Variants in GLCE observed in about 807,000 individuals in gnomAD.
The protein encoded by GLCE is D-glucuronyl C5-epimerase.
GLCE carries 19 observed loss-of-function variants against 47.9 expected under a neutral mutation model. The observed-to-expected ratio is 0.40, with a 90% confidence interval of 0.28 to 0.58. The LOEUF (loss-of-function observed/expected upper bound fraction) is 0.58, where lower values mean the gene tolerates loss of function less well. Ranked by LOEUF, GLCE falls within the 20% of genes least tolerant of loss-of-function variation. GLCE has a pLI of 0.48. For missense variants in GLCE, 556 were observed against 743.3 expected, an observed-to-expected ratio of 0.75 and a Z score of 2.93; for synonymous variants, 245 against 263.4, an observed-to-expected ratio of 0.93 and a Z score of 0.68.
intron 2 of GLCE, among the ~76,000 whole-genome samples, chr15:69,215,793 A>G (rs1346556424): frequency 6.6e-6 from 1 of 152,096 alleles, no homozygotes; most frequent in Non-Finnish European, 1.5e-5. Flanking sequence ...TATCTGTTCT[A>G]ATGTATGTGT....
At chr15:69,166,180 G>T (rs557924372) in intron 1 of GLCE, among the ~76,000 whole-genome samples, 2 of 152,026 alleles carry the variant, frequency 1.3e-5, no homozygotes, top group African/African-American at 4.8e-5. Context: ...TTTTATATAG[G>T]CTTTAATAAT....
At chr15:69,249,287 A>T (rs1441315125) in intron 2 of GLCE, among the ~76,000 whole-genome samples, 4 of 152,082 alleles carry the variant, frequency 2.6e-5, no homozygotes, top group African/African-American at 9.7e-5. Context: ...TTTTCTTAAC[A>T]CCTTAAAAGG....
At position 69,270,927 on chromosome 15, in the gene GLCE, G is replaced by A. The variant is rs1193713477; in HGVS notation, c.*1683G>A. 6.6e-6 allele frequency: 1 copy of A among 152,178 alleles called. No individual in the cohort carries two copies. Among genetic ancestry groups the A allele is most frequent in the Non-Finnish European group, 1.5e-5 (1 of 68,036 alleles). The allele number at this position is 152,178 out of a possible 1,614,324, so 9.4% of individuals were successfully genotyped here. ...CCTTTGCATTTCATATATGTTAGAT[G>A]TCTCAGCAAGAATATCTGGTCTCCC... On this transcript the variant is annotated 3_prime_UTR_variant, in exon 5 of 5. Coordinates refer to ENST00000261858, the MANE Select transcript of GLCE (RefSeq NM_015554.3).
intron 1 of GLCE, among the ~76,000 whole-genome samples, chr15:69,191,053 A>C (rs545597305): frequency 8.5e-5 from 13 of 152,290 alleles, no homozygotes; most frequent in Admixed American, 3.3e-4. Context: ...ACCCCACAGT[A>C]GATTGTAATT....
intron 1 of GLCE, among the ~76,000 whole-genome samples, chr15:69,189,792 G>T (rs1379803714): frequency 6.6e-6 from 1 of 152,004 alleles, no homozygotes; most frequent in African/African-American, 2.4e-5. Context: ...TACTGCTTAG[G>T]ATTAGCTTGC....
At chr15:69,185,359 A>G (rs2051806837) in intron 1 of GLCE, among the ~76,000 whole-genome samples, 1 of 152,188 alleles carries the variant, frequency 6.6e-6, no homozygotes, top group African/African-American at 2.4e-5. Flanking sequence ...CCAGTAATTG[A>G]CTTAGCTATC....
chr15:69,213,993 C>T (rs1019013695), intron 2 of GLCE, among the ~76,000 whole-genome samples: 1 of 151,986 alleles, frequency 6.6e-6, no homozygotes. Context: ...CTTTTCAACA[C>T]GTCATTGTCT....
intron 1 of GLCE, among the ~76,000 whole-genome samples, chr15:69,182,269 T>G (rs998111033): frequency 6.9e-6 from 1 of 144,826 alleles, no homozygotes; most frequent in Non-Finnish European, 1.5e-5. Context: ...CATCGTGTAT[T>G]TGTGTGTGTG....
intron 1 of GLCE, among the ~76,000 whole-genome samples, chr15:69,175,043 A>G (rs375039126): frequency 1.3e-4 from 20 of 152,262 alleles, no homozygotes; most frequent in African/African-American, 4.6e-4. Flanking sequence ...AAACTACTTA[A>G]TGAAATTAAA....
rs552181984 is a variant in GLCE at position 69,249,523 on chromosome 15, T to A, written c.-13-6271T>A. Reference sequence around the variant, plus strand: ...TTACTCAGTATCAATAAATTATTTTTTAATTAAGAGTAAGCATTCTTCTCA... The same window carrying A: ...TTACTCAGTATCAATAAATTATTTTATAATTAAGAGTAAGCATTCTTCTCA... On this transcript the variant is annotated intron_variant, in intron 2 of 4. Transcript: ENST00000261858. Among the ~76,000 whole-genome samples, 5 of 152,320 alleles carry A rather than the reference T, an allele frequency of 3.3e-5. No individual in the cohort carries two copies. The East Asian group carries it at 9.7e-4, about 29-fold the overall frequency.
At chr15:69,226,134 G>A (rs947542940) in intron 2 of GLCE, among the ~76,000 whole-genome samples, 5 of 152,108 alleles carry the variant, frequency 3.3e-5, no homozygotes, top group Admixed American at 2.6e-4. Flanking sequence ...ACCATCTTGG[G>A]ATCATGGCGT....
intron 1 of GLCE, among the ~76,000 whole-genome samples, chr15:69,209,954 G>A (rs2052207489): frequency 6.6e-6 from 1 of 152,110 alleles, no homozygotes; most frequent in South Asian, 2.1e-4. Context: ...CTGGGCTTGA[G>A]AGAGTGAAGA....
intron 1 of GLCE, among the ~76,000 whole-genome samples, chr15:69,168,783 C>T (rs980054855): frequency 9.2e-5 from 14 of 152,290 alleles, no homozygotes; most frequent in African/African-American, 2.4e-4. Flanking sequence ...CCGCCTACCT[C>T]GGCCTCCCAA....
Position 69,175,267 on chromosome 15 carries a change from C to A in GLCE, c.-105+14510C>A, listed in dbSNP as rs1341531251. The stretch of plus-strand genomic sequence containing the variant: ...GAAAAAGATTTTTCCATCATCCTCA[C>A]ATTCTTAATACCACCATCTCCTAAA... On this transcript the variant is annotated intron_variant, in intron 1 of 4. Coordinates refer to ENST00000261858, the MANE Select transcript of GLCE (RefSeq NM_015554.3). 3.9e-5 allele frequency among the ~76,000 whole-genome samples: 6 copies of A among 152,278 alleles called. No homozygotes were observed. The East Asian group carries it at 9.6e-4, about 24-fold the overall frequency.
intron 1 of GLCE, among the ~76,000 whole-genome samples, chr15:69,189,138 A>T (rs941549940): frequency 5.3e-5 from 8 of 152,166 alleles, no homozygotes; most frequent in Non-Finnish European, 1.2e-4. Flanking sequence ...TTATCATATT[A>T]TCATACAAAA....
intron 2 of GLCE, among the ~76,000 whole-genome samples, chr15:69,245,849 C>G (rs2052739401): frequency 2.0e-5 from 3 of 152,140 alleles, no homozygotes; most frequent in Non-Finnish European, 4.4e-5. Flanking sequence ...CTGCCTCAGC[C>G]TCCCAAGTAG....
At chr15:69,190,914 T>C (rs2051902199) in intron 1 of GLCE, among the ~76,000 whole-genome samples, 1 of 152,126 alleles carries the variant, frequency 6.6e-6, no homozygotes, top group African/African-American at 2.4e-5. Flanking sequence ...TGCACTATTG[T>C]CTTAGGAACT....
chr15:69,177,973 A>G (rs903407414), intron 1 of GLCE, among the ~76,000 whole-genome samples: 22 of 152,322 alleles, frequency 1.4e-4, no homozygotes, highest in African/African-American at 5.3e-4. Flanking sequence ...ATCCCATTAT[A>G]TGGGTATACC....
At chr15:69,255,005 A>C (rs1369880255) in intron 2 of GLCE, among the ~76,000 whole-genome samples, 1 of 152,180 alleles carries the variant, frequency 6.6e-6, no homozygotes, top group African/African-American at 2.4e-5. Context: ...TTTTAGGAGA[A>C]CCAAAAGAGA....
Sources: allele counts gnomAD v4.1 joint callset (sites outside exome capture counted in the v4.1 genomes callset), GRCh38; gene constraint gnomAD v4.1.1; transcripts MANE v1.5; gene names NCBI Gene and HGNC (gene_info 2026-07-23, HGNC 2026-07-21).